SCRT2: variants seen among roughly 807,000 people sequenced by gnomAD.
SCRT2 encodes scratch family transcriptional repressor 2.
Under a neutral mutation model 3.7 loss-of-function variants are expected in SCRT2, and 2 were observed. The ratio of observed to expected loss-of-function variants is 0.54; its 90% CI spans 0.22 to 1.70. The LOEUF is 1.70. SCRT2 is among the 40% of genes most tolerant of loss of function. SCRT2 has a pLI of 0.19. For synonymous variants in SCRT2, 256 were observed against 220.6 expected, an observed-to-expected ratio of 1.16 and a Z score of -1.42; for missense variants, 456 against 468.5, an observed-to-expected ratio of 0.97 and a Z score of 0.25.
intron 1 of SCRT2, among the ~76,000 whole-genome samples, chr20:673,822 C>A (rs373760314): frequency 1.3e-5 from 2 of 152,178 alleles, no homozygotes; most frequent in African/African-American, 4.8e-5. Context: ...AACGGGGCTT[C>A]AGGGGGTGGA....
Position 666,990 on chromosome 20 carries a change from A to G in SCRT2, c.134-2529T>C, listed in dbSNP as rs373734020. On this transcript the variant is annotated intron_variant, in intron 1 of 1. Coordinates refer to ENST00000246104, the MANE Select transcript of SCRT2 (RefSeq NM_033129.4). The surrounding 1 kb of genome is among the most constrained non-coding windows in gnomAD (Gnocchi z 4.4). ...GTGCTTTGAGTTCTATTATTAAAGG[A>G]TGACATATTGGATAAGAGTAAAACT... Among the ~76,000 whole-genome samples the G allele has an allele frequency of 1.6e-3, 245 of 152,236 alleles. 2 individuals are homozygous for G. Among genetic ancestry groups the G allele is most frequent in the African/African-American group, 5.3e-3 (219 of 41,518 alleles).
rs576685504 is a variant in SCRT2, at chr20:661,605, A to T, written c.*2066T>A. On this transcript the variant is annotated 3_prime_UTR_variant, in exon 2 of 2. Transcript: ENST00000246104. ...GGTCTAGAGGCGATGGTGAGTGGCCAAAGTCCCTTTAATATCCCTGAATTG... is the reference window on the plus strand; with the variant it reads ...GGTCTAGAGGCGATGGTGAGTGGCCTAAGTCCCTTTAATATCCCTGAATTG... The T allele has an allele frequency of 6.6e-6, 1 of 152,640 alleles. No homozygotes were observed. The highest frequency in any genetic ancestry group is 1.9e-4 in the East Asian group (1 of 5,144). The allele number at this position is 152,640 out of a possible 1,614,324, so 9.5% of individuals were successfully genotyped here. A position where few individuals can be genotyped will look rare whatever the true frequency, so the allele number is the denominator to read the frequency against.
rs1384323494 is a variant in SCRT2 at position 668,595 on chromosome 20, G to T, written c.134-4134C>A. 5.9e-5 allele frequency among the ~76,000 whole-genome samples: 9 copies of T among 152,204 alleles called. No homozygotes were observed. The East Asian group carries it at 1.7e-3, about 29-fold the overall frequency. Reference sequence around the variant, plus strand: ...GGCTCAAATCCTCCATTTGAGGAATGTGGACCAGAGGCACCCCTGTCATGT... The same window carrying T: ...GGCTCAAATCCTCCATTTGAGGAATTTGGACCAGAGGCACCCCTGTCATGT... On this transcript the variant is annotated intron_variant, in intron 1 of 1. Transcript: ENST00000246104.
rs770205705 is a variant in SCRT2, at chr20:666,255, G to A, written c.134-1794C>T. ...AGCCTCTCCGCACCCTATGTCTCCC[G>A]TCCCATCTGCCTGTGGTCTGGAGGT... On this transcript the variant is annotated intron_variant, in intron 1 of 1. Transcript: ENST00000246104. This position sits in a 1 kb window ranked among gnomAD's most constrained non-coding sequence, Gnocchi z 4.4. Among the ~76,000 whole-genome samples, 18 of 151,996 alleles carry A rather than the reference G, an allele frequency of 1.2e-4. No individual in the cohort carries two copies. The highest frequency in any genetic ancestry group is 2.2e-4 in the Non-Finnish European group (15 of 67,992).
Position 663,681 on chromosome 20 carries a change from G to T in SCRT2, c.914C>A (p.Pro305Gln). Residue 305 changes from proline (P) to glutamine (Q), a missense_variant, in exon 2 of 2, where the codon CCG (proline) becomes CAG (glutamine). Physicochemically the swap from Pro to Gln is moderately conservative, Grantham distance 76. This residue lies in a region of SCRT2 where 144 missense variants were observed against 141.9 expected (regional missense o/e 1.01). Transcript: ENST00000246104. The surrounding 1 kb of genome is among the most constrained non-coding windows in gnomAD (Gnocchi z 6.9). ...AEPPPPTPAG[P>Q]AS ...GGCGAGGCGGAAGGCTCAGCTGGCC[G>T]GGCCGGCGGGGGTCGGCGGGGGTGG... 1.3e-6 allele frequency: 2 copies of T among 1,498,970 alleles called. No homozygotes were observed. The highest frequency in any genetic ancestry group is 8.9e-7 in the Non-Finnish European group (1 of 1,126,740). 92.9% of individuals were successfully genotyped at this position (1,498,970 alleles called of 1,614,324 possible). A position where few individuals can be genotyped will look rare whatever the true frequency, so the allele number is the denominator to read the frequency against.
rs141960384 is a variant in SCRT2, at chr20:667,701, G to T, written c.134-3240C>A. Among the ~76,000 whole-genome samples, 252 of 152,246 alleles carry T rather than the reference G, an allele frequency of 1.7e-3. 2 individuals are homozygous for T. Among genetic ancestry groups the T allele is most frequent in the African/African-American group, 5.8e-3 (241 of 41,528 alleles). On this transcript the variant is annotated intron_variant, in intron 1 of 1. Transcript: ENST00000246104. The surrounding 1 kb of genome is among the most constrained non-coding windows in gnomAD (Gnocchi z 4.4). ...CAACAAAGGCTGCTCATTTGCCTAG[G>T]GAGGGCTGCAGAAGTGTCTTCAGGA...
chr20:668,973 G>C (rs947027682), intron 1 of SCRT2, among the ~76,000 whole-genome samples: 3 of 152,216 alleles, frequency 2.0e-5, no homozygotes, highest in Admixed American at 1.3e-4. Context: ...ATTTGCCCAA[G>C]GTCACTGAGA....
In SCRT2 at chr20:663,437, C is replaced by G. The variant is rs1260621045; in HGVS notation, c.*234G>C. 1.5e-5 allele frequency: 6 copies of G among 391,652 alleles called. No individual in the cohort carries two copies. The highest frequency in any genetic ancestry group is 4.7e-5 in the Admixed American group (1 of 21,324). The allele number at this position is 391,652 out of a possible 1,614,324, so 24.3% of individuals were successfully genotyped here. The stretch of plus-strand genomic sequence containing the variant: ...AGGCGCGGACAGGGGGGTCAAGGTC[C>G]GAGGGATGGCCGGAAAGGATGAAGT... On this transcript the variant is annotated 3_prime_UTR_variant, in exon 2 of 2. Coordinates refer to ENST00000246104, the MANE Select transcript of SCRT2 (RefSeq NM_033129.4). This position sits in a 1 kb window ranked among gnomAD's most constrained non-coding sequence, Gnocchi z 6.9.
intron 1 of SCRT2, among the ~76,000 whole-genome samples, chr20:673,132 A>C (rs1984399445): frequency 6.6e-6 from 1 of 152,224 alleles, no homozygotes; most frequent in South Asian, 2.1e-4. Context: ...TGGCCAGGCC[A>C]GGGTGCCTGT....
In SCRT2 at chr20:675,762, T is replaced by A; in HGVS notation, c.-161A>T. On this transcript the variant is annotated 5_prime_UTR_variant, in exon 1 of 2. The change creates a new upstream start codon in the 5' untranslated region. Transcript: ENST00000246104. The surrounding 1 kb of genome is among the most constrained non-coding windows in gnomAD (Gnocchi z 6.9). ...CGGCGGCCCCGGCTCGGGCTCGGGC[T>A]TGGCGGCGGCGGCGCGCAGACAGGG... 1 of 285,618 alleles carries A rather than the reference T, an allele frequency of 3.5e-6. No homozygotes were observed. Among genetic ancestry groups the A allele is most frequent in the Non-Finnish European group, 5.7e-6 (1 of 174,860 alleles). 17.7% of individuals were successfully genotyped at this position (285,618 alleles called of 1,614,324 possible). A position where few individuals can be genotyped will look rare whatever the true frequency, so the allele number is the denominator to read the frequency against.
chr20:674,436 CA>C (rs1336196746), intron 1 of SCRT2, among the ~76,000 whole-genome samples: 1 of 105,106 alleles, frequency 9.5e-6, no homozygotes, highest in Non-Finnish European at 2.2e-5. Context: ...CACACACACA[CA>C]CACAACCCAA....
chr20:664,600 C>G lies in SCRT2; in HGVS notation c.134-139G>C. 1.9e-6 allele frequency: 1 copy of G among 533,922 alleles called. No homozygotes were observed. The highest frequency in any genetic ancestry group is 2.9e-6 in the Non-Finnish European group (1 of 349,766). The allele number at this position is 533,922 out of a possible 1,614,324, so 33.1% of individuals were successfully genotyped here. A position where few individuals can be genotyped will look rare whatever the true frequency, so the allele number is the denominator to read the frequency against. ...CAGTGGTGGTCTCCGACCTGCACCT[C>G]AGCTCTTCCTGTCAGGCAGCCTGGG... On this transcript the variant is annotated intron_variant, in intron 1 of 1. Coordinates refer to ENST00000246104, the MANE Select transcript of SCRT2 (RefSeq NM_033129.4). The surrounding 1 kb of genome is among the most constrained non-coding windows in gnomAD (Gnocchi z 7.9).
rs1446175076 is a variant in SCRT2 at position 665,237 on chromosome 20, C to T, written c.134-776G>A. Reference sequence around the variant, plus strand: ...CTCCCCCACCACACTGTGAGCTCCCCATGGTTGGATCTGTGTGCCCAGCAC... The same window carrying T: ...CTCCCCCACCACACTGTGAGCTCCCTATGGTTGGATCTGTGTGCCCAGCAC... On this transcript the variant is annotated intron_variant, in intron 1 of 1. Transcript: ENST00000246104. This position sits in a 1 kb window ranked among gnomAD's most constrained non-coding sequence, Gnocchi z 5.0. Among the ~76,000 whole-genome samples, 2 of 152,228 alleles carry T rather than the reference C, an allele frequency of 1.3e-5. No homozygotes were observed. Among genetic ancestry groups the T allele is most frequent in the African/African-American group, 4.8e-5 (2 of 41,448 alleles).
intron 1 of SCRT2, among the ~76,000 whole-genome samples, chr20:671,437 A>G (rs1984326750): frequency 6.6e-6 from 1 of 152,202 alleles, no homozygotes; most frequent in African/African-American, 2.4e-5. Flanking sequence ...GGGTGGTTAG[A>G]GAAGACTCAG....
In SCRT2 at chr20:667,831, ACTTG is replaced by A. The variant is rs529409247; in HGVS notation, c.134-3374_134-3371del. On this transcript the variant is annotated intron_variant, in intron 1 of 1. Coordinates refer to ENST00000246104, the MANE Select transcript of SCRT2 (RefSeq NM_033129.4). The surrounding 1 kb of genome is among the most constrained non-coding windows in gnomAD (Gnocchi z 4.4). The stretch of plus-strand genomic sequence containing the variant: ...GTCATGTTAGGAGGAGGTGGTTCTA[ACTTG>A]CTTTGTGACTGTGGCCAGGTTGCTT... 5.9e-3 allele frequency among the ~76,000 whole-genome samples: 891 copies of A among 152,230 alleles called. 4 individuals are homozygous for A. Among genetic ancestry groups the A allele is most frequent in the Middle Eastern group, 0.048 (14 of 294 alleles).
In SCRT2 at chr20:666,027, G is replaced by A. The variant is rs78149184; in HGVS notation, c.134-1566C>T. ...TCATCTGGAGTTTGGGATGGACACA[G>A]GGTGAAGTCTGTGTGCCCCTGAAGG... On this transcript the variant is annotated intron_variant, in intron 1 of 1. Transcript: ENST00000246104. The surrounding 1 kb of genome is among the most constrained non-coding windows in gnomAD (Gnocchi z 4.4). Among the ~76,000 whole-genome samples, 351 of 152,320 alleles carry A rather than the reference G, an allele frequency of 2.3e-3. 2 individuals are homozygous for A. The highest frequency in any genetic ancestry group is 3.9e-3 in the Non-Finnish European group (263 of 68,020).
At position 664,492 on chromosome 20, in the gene SCRT2, AGAG is replaced by A. The variant is rs1984092870; in HGVS notation, c.134-34_134-32del. 5 of 1,219,892 alleles carry A rather than the reference AGAG, an allele frequency of 4.1e-6. No homozygotes were observed. The highest frequency in any genetic ancestry group is 1.0e-6 in the Non-Finnish European group (1 of 972,658). The allele number at this position is 1,219,892 out of a possible 1,614,324, so 75.6% of individuals were successfully genotyped here. On this transcript the variant is annotated intron_variant, in intron 1 of 1. Transcript: ENST00000246104. This position sits in a 1 kb window ranked among gnomAD's most constrained non-coding sequence, Gnocchi z 7.9. ...GGGGGCGAGAAGTGGAGGGGCGGTG[AGAG>A]GAGGCGCCGAAGAGGGTTTCCCGCT...
At position 666,964 on chromosome 20, in the gene SCRT2, A is replaced by C. The variant is rs2122347065; in HGVS notation, c.134-2503T>G. On this transcript the variant is annotated intron_variant, in intron 1 of 1. Coordinates refer to ENST00000246104, the MANE Select transcript of SCRT2 (RefSeq NM_033129.4). This position sits in a 1 kb window ranked among gnomAD's most constrained non-coding sequence, Gnocchi z 4.4. The stretch of plus-strand genomic sequence containing the variant: ...TGGAGGGGTGACTGATCACGTAACC[A>C]GTGCTTTGAGTTCTATTATTAAAGG... Among the ~76,000 whole-genome samples the C allele has an allele frequency of 6.6e-6, 1 of 152,202 alleles. No individual in the cohort carries two copies. Among genetic ancestry groups the C allele is most frequent in the South Asian group, 2.1e-4 (1 of 4,824 alleles).
At chr20:672,229 A>G (rs1348983244) in intron 1 of SCRT2, among the ~76,000 whole-genome samples, 1 of 152,136 alleles carries the variant, frequency 6.6e-6, no homozygotes, top group African/African-American at 2.4e-5. Flanking sequence ...AGCTCTGCAG[A>G]GAGACCTGGT....
Sources: allele counts gnomAD v4.1 joint callset (sites outside exome capture counted in the v4.1 genomes callset), GRCh38; gene constraint gnomAD v4.1.1; regional missense constraint gnomAD v4.1.1; non-coding constraint Gnocchi (gnomAD v3.1); transcripts MANE v1.5; gene names NCBI Gene and HGNC (gene_info 2026-07-23, HGNC 2026-07-21).